Variants in ACSS3 observed in about 807,000 individuals in gnomAD.
ACSS3 encodes the protein acyl-CoA synthetase short chain family member 3.
Under a neutral mutation model 84.2 loss-of-function variants are expected in ACSS3, and 64 were observed. That is an observed-to-expected ratio of 0.76 (90% CI 0.62 to 0.94). ACSS3 has a LOEUF of 0.94. Ranked by LOEUF, ACSS3 falls within the 40% of genes least tolerant of loss-of-function variation. The pLI, the probability that ACSS3 is intolerant of heterozygous loss-of-function variation, is 0.00. For missense variants in ACSS3, 815 were observed against 867.6 expected, an observed-to-expected ratio of 0.94 and a Z score of 0.76; for synonymous variants, 317 against 310.1, an observed-to-expected ratio of 1.02 and a Z score of -0.23.
chr12:81,259,622 G>A lies in ACSS3; in HGVS notation c.*4700G>A, dbSNP rs1169095178. The A allele has an allele frequency of 3.9e-6, 6 of 1,531,862 alleles. No homozygotes were observed. The highest frequency in any genetic ancestry group is 5.2e-6 in the Non-Finnish European group (6 of 1,143,318). The allele number at this position is 1,531,862 out of a possible 1,614,324, so 94.9% of individuals were successfully genotyped here. The stretch of plus-strand genomic sequence containing the variant: ...TTTTCACTGCTCGTCTTCTTAGATG[G>A]TAGTGCACTTTAGGTAGAGTAGACT... On this transcript the variant is annotated 3_prime_UTR_variant, in exon 16 of 16. Transcript: ENST00000548058.
intron 8 of ACSS3, among the ~76,000 whole-genome samples, chr12:81,192,241 C>T (rs1362426060): frequency 2.0e-5 from 3 of 151,626 alleles, no homozygotes; most frequent in African/African-American, 7.3e-5. Context: ...ATTAGCCAGA[C>T]ATGGTGGCGG....
At chr12:81,218,855 C>T (rs1565727569) in intron 10 of ACSS3, among the ~76,000 whole-genome samples, 3 of 151,798 alleles carry the variant, frequency 2.0e-5, no homozygotes, top group Admixed American at 2.0e-4. Context: ...ACCAAGGAAT[C>T]AGTGACTTTA....
intron 9 of ACSS3, among the ~76,000 whole-genome samples, chr12:81,209,803 C>A (rs796619523): frequency 2.0e-4 from 31 of 152,204 alleles, no homozygotes; most frequent in African/African-American, 7.5e-4. Context: ...GTGAGCACTT[C>A]CCAGAAGTGC....
rs1481376026 is a variant in ACSS3 at position 81,217,658 on chromosome 12, C to A, written c.1450+662C>A. ...AGGAGTTTGAGACCAGCCTGGCCAA[C>A]ATGGTGAAACCTCGTCTCTACTAAA... On this transcript the variant is annotated intron_variant, in intron 10 of 15. Coordinates refer to ENST00000548058, the MANE Select transcript of ACSS3 (RefSeq NM_024560.4). 2.6e-5 allele frequency among the ~76,000 whole-genome samples: 4 copies of A among 152,172 alleles called. No homozygotes were observed. The East Asian group carries it at 7.8e-4, about 30-fold the overall frequency.
At chr12:81,173,283 G>C (rs1306847347) in intron 7 of ACSS3, among the ~76,000 whole-genome samples, 1 of 152,124 alleles carries the variant, frequency 6.6e-6, no homozygotes, top group Non-Finnish European at 1.5e-5. Context: ...GCAGCTTTTT[G>C]TATTATTTGC....
At chr12:81,239,480 T>C (rs559156785) in intron 13 of ACSS3, among the ~76,000 whole-genome samples, 2 of 152,124 alleles carry the variant, frequency 1.3e-5, no homozygotes, top group South Asian at 2.1e-4. Flanking sequence ...GGGTAATTTA[T>C]AAAGGAAAGA....
Position 81,174,937 on chromosome 12 carries a change from A to T in ACSS3, c.1248A>T (p.Thr416=). 6.2e-7 allele frequency: 1 copy of T among 1,613,486 alleles called. No individual in the cohort carries two copies. The highest frequency in any genetic ancestry group is 8.5e-7 in the Non-Finnish European group (1 of 1,179,582). ...CTTTGGGGAAGCAGTACTCTCTGAC[A>T]AGGTGACGTTGGGATGCACAGGGCA... is the stretch of plus-strand genomic sequence containing the variant. ...GAALGKQYSL[T]RFKTLFVAGE... is the part of the protein sequence containing the mutation. Residue 416 remains threonine, a splice_region_variant and synonymous_variant, in exon 8 of 16, where the codon ACA becomes ACT. Transcript: ENST00000548058.
At chr12:81,241,720 T>C (rs1483449205) in intron 13 of ACSS3, among the ~76,000 whole-genome samples, 1 of 152,154 alleles carries the variant, frequency 6.6e-6, no homozygotes, top group Non-Finnish European at 1.5e-5. Flanking sequence ...GAGTTCATTG[T>C]AGATTCTGGA....
chr12:81,233,679 T>G (rs1449908301), intron 13 of ACSS3, among the ~76,000 whole-genome samples: 2 of 151,610 alleles, frequency 1.3e-5, no homozygotes, highest in East Asian at 3.9e-4. Flanking sequence ...TAGTGAAGAG[T>G]TTTAAACACT....
At chr12:81,233,732 T>C (rs1380024199) in intron 13 of ACSS3, among the ~76,000 whole-genome samples, 1 of 151,638 alleles carries the variant, frequency 6.6e-6, no homozygotes, top group Non-Finnish European at 1.5e-5. Flanking sequence ...GTACATTTGC[T>C]TCTTAATACT....
chr12:81,228,630 A>T (rs2033347554), intron 11 of ACSS3, among the ~76,000 whole-genome samples: 1 of 151,882 alleles, frequency 6.6e-6, no homozygotes, highest in Admixed American at 6.6e-5. Context: ...TTGCTAACAT[A>T]ATTGACTTCT....
At chr12:81,111,781 C>T (rs1386446497) in intron 2 of ACSS3, among the ~76,000 whole-genome samples, 5 of 152,250 alleles carry the variant, frequency 3.3e-5, no homozygotes, top group African/African-American at 9.6e-5. Flanking sequence ...CCTAAACAAC[C>T]AGGCAGTGGG....
intron 9 of ACSS3, among the ~76,000 whole-genome samples, chr12:81,207,920 C>G (rs141762921): frequency 6.6e-6 from 1 of 151,990 alleles, no homozygotes; most frequent in Non-Finnish European, 1.5e-5. Flanking sequence ...AGGATAAGAC[C>G]AGTGTCTCAT....
chr12:81,193,749 T>C (rs919042774), intron 8 of ACSS3, among the ~76,000 whole-genome samples: 1 of 151,964 alleles, frequency 6.6e-6, no homozygotes, highest in African/African-American at 2.4e-5. Flanking sequence ...ATTATTAAAC[T>C]CTTGAATTAG....
At chr12:81,084,889 C>A (rs1374616128) in intron 1 of ACSS3, among the ~76,000 whole-genome samples, 1 of 152,086 alleles carries the variant, frequency 6.6e-6, no homozygotes, top group East Asian at 1.9e-4. Flanking sequence ...AGATAAGGGC[C>A]AAAGCCAGAA....
chr12:81,120,712 G>T (rs888923215), intron 2 of ACSS3, among the ~76,000 whole-genome samples: 7 of 152,100 alleles, frequency 4.6e-5, no homozygotes, highest in African/African-American at 1.7e-4. Flanking sequence ...GCACTGGGTA[G>T]ATATATGTAA....
chr12:81,187,053 C>A (rs1482737513), intron 8 of ACSS3, among the ~76,000 whole-genome samples: 7 of 151,844 alleles, frequency 4.6e-5, no homozygotes, highest in African/African-American at 1.7e-4. Context: ...TTGCCAGTTG[C>A]CACAACATAG....
chr12:81,217,421 G>A (rs532677717), intron 10 of ACSS3, among the ~76,000 whole-genome samples: 2 of 152,228 alleles, frequency 1.3e-5, no homozygotes, highest in South Asian at 4.1e-4. Context: ...AGATCCTGGG[G>A]ACAATGCAAA....
At chr12:81,130,404 G>A (rs1885411597) in intron 2 of ACSS3, among the ~76,000 whole-genome samples, 1 of 152,096 alleles carries the variant, frequency 6.6e-6, no homozygotes, top group South Asian at 2.1e-4. Flanking sequence ...TCATGTGTCA[G>A]TTGGCTGCAT....
Sources: allele counts gnomAD v4.1 joint callset (sites outside exome capture counted in the v4.1 genomes callset), GRCh38; gene constraint gnomAD v4.1.1; transcripts MANE v1.5; gene names NCBI Gene and HGNC (gene_info 2026-07-23, HGNC 2026-07-21).